The following SSB variants were observed in gnomAD, a reference collection of about 807,000 sequenced individuals.
SSB encodes the protein lupus La protein.
SSB carries 17 observed loss-of-function variants against 52.9 expected under a neutral mutation model. The ratio of observed to expected loss-of-function variants is 0.32; its 90% CI spans 0.22 to 0.48. SSB has a LOEUF of 0.48. SSB is among the 20% of genes least tolerant of loss of function. The probability of loss-of-function intolerance (pLI) is 0.99; values close to 1 mark genes in which losing one functional copy is unlikely to be tolerated. For missense variants in SSB, 314 were observed against 463.6 expected, an observed-to-expected ratio of 0.68 and a Z score of 2.96; for synonymous variants, 111 against 152.1, an observed-to-expected ratio of 0.73 and a Z score of 1.99.
intron 2 of SSB, among the ~76,000 whole-genome samples, chr2:169,803,736 GTCTT>G (rs1317157297): frequency 1.3e-5 from 2 of 151,452 alleles, no homozygotes; most frequent in African/African-American, 2.4e-5. Context: ...GAAAAATAGT[GTCTT>G]TTTTTTTTTT....
chr2:169,807,062 T>C lies in SSB; in HGVS notation c.545T>C (p.Ile182Thr), dbSNP rs753095047. ...AAGTACAAAGAAACAGACCTGCTAA[T>C]ACTTTTCAAGTAAGTCTTTTTGCTG... The part of the protein sequence containing the change: ...GQKYKETDLL[I>T]LFKDDYFAKK... The change falls in exon 6 of 12, where the codon ATA becomes ACA. Residue 182 changes from isoleucine (I) to threonine (T), a missense_variant. Physicochemically the swap from Ile to Thr is moderately conservative, Grantham distance 89. Transcript: ENST00000260956. 1 of 1,613,620 alleles carries C rather than the reference T, an allele frequency of 6.2e-7. No homozygotes were observed.
At chr2:169,803,541 C>T (rs1328774167) in intron 2 of SSB, among the ~76,000 whole-genome samples, 1 of 151,790 alleles carries the variant, frequency 6.6e-6, no homozygotes, top group Non-Finnish European at 1.5e-5. Flanking sequence ...TGAGCTATTG[C>T]GCTTGGCCTA....
At chr2:169,801,131 T>G (rs1689703569) in intron 2 of SSB, 105 bp downstream of exon 2, 1 of 934,240 alleles carries the variant, frequency 1.1e-6, no homozygotes, top group Non-Finnish European at 1.6e-6. Context: ...TGGTTTGCCT[T>G]TGATTCTTAG....
In SSB at chr2:169,805,518, G is replaced by C; in HGVS notation, c.111G>C (p.Lys37Asn). 1 of 1,613,830 alleles carries C rather than the reference G, an allele frequency of 6.2e-7. No individual in the cohort carries two copies. The highest frequency in any genetic ancestry group is 8.5e-7 in the Non-Finnish European group (1 of 1,179,970). Residue 37 changes from lysine (K) to asparagine (N), a missense_variant, in exon 3 of 12, where the codon AAG becomes AAC. Lys to Asn is a moderately conservative substitution (Grantham distance 94). Transcript: ENST00000260956. ...ATTTGCCACGGGACAAGTTTCTAAA[G>C]GAACAGATAAAACTGGATGAAGGCT... ...DFNLPRDKFL[K>N]EQIKLDEGWV...
Position 169,809,994 on chromosome 2 carries a change from A to T in SSB, c.670-289A>T, listed in dbSNP as rs79987425. On this transcript the variant is annotated intron_variant, in intron 8 of 11. Coordinates refer to ENST00000260956, the MANE Select transcript of SSB (RefSeq NM_003142.5). The stretch of plus-strand genomic sequence containing the variant: ...TTTAATAGCCAGATTTATGTAGTTT[A>T]TAACTAATTAAATACCAGTTGTATA... 5.4e-3 allele frequency: 971 copies of T among 178,518 alleles called. 6 individuals carry two copies. The highest frequency in any genetic ancestry group is 0.022 in the African/African-American group (917 of 42,554). The allele number at this position is 178,518 out of a possible 1,614,324, so 11.1% of individuals were successfully genotyped here. A position where few individuals can be genotyped will look rare whatever the true frequency, so the allele number is the denominator to read the frequency against.
chr2:169,807,640 A>C (rs1161420909), intron 6 of SSB, among the ~76,000 whole-genome samples: 1 of 151,980 alleles, frequency 6.6e-6, no homozygotes, highest in Non-Finnish European at 1.5e-5. Context: ...TTTTGCATCT[A>C]AAACTTTTGA....
At chr2:169,802,149 A>C (rs1395227850) in intron 2 of SSB, among the ~76,000 whole-genome samples, 1 of 152,036 alleles carries the variant, frequency 6.6e-6, no homozygotes, top group Non-Finnish European at 1.5e-5. Context: ...ATACCACTGC[A>C]CTCCAGCCTG....
chr2:169,800,534 C>CAAAAAAAAAAAAAAAAAAAAAAAA (rs59743225), intron 1 of SSB, among the ~76,000 whole-genome samples: 16 of 78,270 alleles, frequency 2.0e-4, no homozygotes, highest in African/African-American at 7.3e-4. Context: ...GACTCCGTCT[C>CAAAAAAAAAAAAAAAAAAAAAAAA]AAAAAAAAAA....
intron 2 of SSB, among the ~76,000 whole-genome samples, chr2:169,803,184 G>A (rs1224158203): frequency 6.6e-6 from 1 of 151,996 alleles, no homozygotes; most frequent in Admixed American, 6.5e-5. Flanking sequence ...ATGCTGTCTC[G>A]TTGCTTTAAA....
chr2:169,800,607 G>C (rs533957339), intron 1 of SSB, among the ~76,000 whole-genome samples: 20 of 149,014 alleles, frequency 1.3e-4, no homozygotes, highest in African/African-American at 4.0e-4. Flanking sequence ...TATACAGATA[G>C]ATAGTTATCT....
At chr2:169,802,399 G>A (rs1689731062) in intron 2 of SSB, among the ~76,000 whole-genome samples, 1 of 148,748 alleles carries the variant, frequency 6.7e-6, no homozygotes, top group African/African-American at 2.5e-5. Flanking sequence ...GGGTTTTTCT[G>A]CAATTCTCAG....
At chr2:169,811,102 A>G (rs1337583081) in intron 10 of SSB, 58 bp downstream of exon 10, 1 of 1,592,350 alleles carries the variant, frequency 6.3e-7, no homozygotes, top group Non-Finnish European at 8.5e-7. Flanking sequence ...TACTTGAGCA[A>G]AAACTTTAAT....
intron 2 of SSB, among the ~76,000 whole-genome samples, chr2:169,804,779 C>T (rs1024677905): frequency 6.6e-6 from 1 of 151,964 alleles, no homozygotes; most frequent in African/African-American, 2.4e-5. Flanking sequence ...CTCTTGACCT[C>T]CCAAAGTGCA....
intron 2 of SSB, among the ~76,000 whole-genome samples, chr2:169,802,830 C>A (rs1448256188): frequency 2.6e-5 from 4 of 152,172 alleles, no homozygotes; most frequent in Non-Finnish European, 5.9e-5. Context: ...AATTTTATTT[C>A]CTTCCCTTTC....
rs1356574651 is a variant in SSB at position 169,810,288 on chromosome 2, T to C, written c.675T>C (p.Ser225=). ...CACTTTGTATATTTTTATAGAAATC[T>C]CTAGAAGAAAAGATTGGATGCTTGC... is the stretch of plus-strand genomic sequence containing the variant. ...QKLEEDAEMK[S]LEEKIGCLLK... Residue 225 remains serine (S), a synonymous_variant, in exon 9 of 12, where the codon TCT becomes TCC. Coordinates refer to ENST00000260956, the MANE Select transcript of SSB (RefSeq NM_003142.5). 5 of 1,601,340 alleles carry C rather than the reference T, an allele frequency of 3.1e-6. No individual in the cohort carries two copies. The highest frequency in any genetic ancestry group is 3.4e-6 in the Non-Finnish European group (4 of 1,176,696).
intron 8 of SSB, 116 bp from the exon 9 acceptor site, chr2:169,810,167 T>C (rs1205706965): frequency 2.5e-5 from 15 of 608,042 alleles, no homozygotes; most frequent in Non-Finnish European, 3.8e-5. Context: ...GAAACTACTT[T>C]AAAATAGCAT....
At chr2:169,807,737 C>CTT (rs55845251) in intron 6 of SSB, among the ~76,000 whole-genome samples, 5,306 of 73,688 alleles carry the variant, frequency 0.072, 570 homozygotes, top group Non-Finnish European at 0.091. Flanking sequence ...GCCTATATGT[C>CTT]TTTTTTTTTT....
Position 169,810,292 on chromosome 2 carries a change from G to C in SSB, c.679G>C (p.Glu227Gln), listed in dbSNP as rs781186776. 1 of 1,601,644 alleles carries C rather than the reference G, an allele frequency of 6.2e-7. No homozygotes were observed. The highest frequency in any genetic ancestry group is 1.1e-5 in the South Asian group (1 of 88,052). Residue 227 changes from glutamate to glutamine, a missense_variant, in exon 9 of 12, where the codon GAA becomes CAA. Transcript: ENST00000260956. ...TTGTATATTTTTATAGAAATCTCTAGAAGAAAAGATTGGATGCTTGCTGAA... is the reference window on the plus strand; with the variant it reads ...TTGTATATTTTTATAGAAATCTCTACAAGAAAAGATTGGATGCTTGCTGAA... ...LEEDAEMKSLEEKIGCLLKFS... is the reference protein window; with the variant it reads ...LEEDAEMKSLQEKIGCLLKFS...
intron 2 of SSB, among the ~76,000 whole-genome samples, chr2:169,803,904 A>G (rs1245033630): frequency 6.6e-6 from 1 of 151,882 alleles, no homozygotes; most frequent in Non-Finnish European, 1.5e-5. Context: ...ATGTGTGGCT[A>G]ATTTTTGTAT....
Sources: gnomAD v4.1 joint callset for allele counts (sites outside exome capture counted in the v4.1 genomes callset) on GRCh38, gnomAD v4.1.1 for gene constraint, MANE v1.5 for transcripts, NCBI Gene and HGNC (gene_info 2026-07-23, HGNC 2026-07-21) for gene names.